ARPC1A: variants seen among roughly 807,000 people sequenced by gnomAD.
ARPC1A encodes actin-related protein 2/3 complex subunit 1A.
ARPC1A carries 8 observed loss-of-function variants against 46.9 expected under a neutral mutation model. The ratio of observed to expected loss-of-function variants is 0.17; its 90% CI spans 0.10 to 0.31. The LOEUF (loss-of-function observed/expected upper bound fraction) is 0.31. ARPC1A is among the 10% of genes least tolerant of loss of function. ARPC1A has a pLI of 1.00. For synonymous variants in ARPC1A, 152 were observed against 169.0 expected (o/e 0.90, Z 0.78); for missense variants, 286 against 483.6 (o/e 0.59, Z 3.83).
chr7:99,358,695 C>T (rs926294592), intron 7 of ARPC1A: 1 of 339,886 alleles, frequency 2.9e-6, no homozygotes. Flanking sequence ...CATGCGCCAC[C>T]ATACCTGGCT....
At chr7:99,330,307 T>TTTTG (rs571934680) in intron 1 of ARPC1A, among the ~76,000 whole-genome samples, 202 of 149,138 alleles carry the variant, frequency 1.4e-3, no homozygotes, top group African/African-American at 4.6e-3. Flanking sequence ...CCCCCCCCCT[T>TTTTG]TTTGTTTGTT....
chr7:99,349,732 C>T (rs891108486), intron 5 of ARPC1A, among the ~76,000 whole-genome samples: 29 of 152,080 alleles, frequency 1.9e-4, no homozygotes, highest in African/African-American at 6.7e-4. Context: ...CCCAGCTACT[C>T]GGGAGGCTGA....
chr7:99,347,520 C>T (rs1332624220), intron 4 of ARPC1A, among the ~76,000 whole-genome samples: 2 of 151,970 alleles, frequency 1.3e-5, no homozygotes, highest in East Asian at 3.9e-4. Flanking sequence ...GCCTGGCCAA[C>T]ATGGTGAAAG....
In ARPC1A at chr7:99,344,920, C is replaced by CTTTTTTTTTTTTTTTTTTTTTTT. The variant is rs1172071932; in HGVS notation, c.392+412_392+434dup. ...TAGGATTCCTACAGATAACAATGTT[C>CTTTTTTTTTTTTTTTTTTTTTTT]TTTTTTTTTTTTTTTTTTTTTTTTT... On this transcript the variant is annotated intron_variant, in intron 4 of 9. Transcript: ENST00000262942. 2.0e-4 allele frequency among the ~76,000 whole-genome samples: 4 copies of CTTTTTTTTTTTTTTTTTTTTTTT among 20,108 alleles called. 1 individual carries two copies. Among genetic ancestry groups the CTTTTTTTTTTTTTTTTTTTTTTT allele is most frequent in the African/African-American group, 8.7e-4 (4 of 4,574 alleles). The allele number at this position is 20,108 out of a possible 152,430, so 13.2% of individuals were successfully genotyped here.
At chr7:99,360,130 C>T (rs143421512) in intron 8 of ARPC1A, 7 of 209,228 alleles carry the variant, frequency 3.3e-5, no homozygotes, top group Admixed American at 1.0e-4. Context: ...TAACAGAAAG[C>T]GAAGTTACAG....
chr7:99,334,831 G>A (rs1260296897), intron 2 of ARPC1A, among the ~76,000 whole-genome samples: 2 of 151,550 alleles, frequency 1.3e-5, no homozygotes, highest in Admixed American at 6.6e-5. Context: ...ACATGCATGC[G>A]CCACCACACC....
At chr7:99,351,612 C>T (rs1365582467) in intron 5 of ARPC1A, among the ~76,000 whole-genome samples, 1 of 152,138 alleles carries the variant, frequency 6.6e-6, no homozygotes, top group South Asian at 2.1e-4. Flanking sequence ...CTAAAGCAGC[C>T]GCTGTCATGA....
chr7:99,349,075 CAG>C, intron 5 of ARPC1A, 116 bp downstream of exon 5: 2 of 1,034,684 alleles, frequency 1.9e-6, no homozygotes. Context: ...TGTTTTGAGA[CAG>C]GGTCTCACTC....
intron 8 of ARPC1A, among the ~76,000 whole-genome samples, chr7:99,362,152 A>T (rs1793752613): frequency 6.6e-6 from 1 of 151,620 alleles, no homozygotes; most frequent in African/African-American, 2.4e-5. Context: ...AAAATTCGCC[A>T]GCCTGGTGGC....
intron 5 of ARPC1A, 117 bp from the exon 6 acceptor site, chr7:99,353,792 T>G (rs1410363119): frequency 6.6e-6 from 7 of 1,053,716 alleles, no homozygotes; most frequent in Non-Finnish European, 9.5e-6. Context: ...GTTTTATTTT[T>G]TTTTAATGAG....
intron 5 of ARPC1A, among the ~76,000 whole-genome samples, chr7:99,349,696 C>T (rs916429111): frequency 3.2e-4 from 49 of 152,046 alleles, no homozygotes; most frequent in Non-Finnish European, 2.5e-4. Flanking sequence ...AAAAATTAGC[C>T]GGGCGTGGTG....
At chr7:99,338,342 T>G in intron 3 of ARPC1A, 57 bp downstream of exon 3, 1 of 1,364,938 alleles carries the variant, frequency 7.3e-7, no homozygotes, top group East Asian at 2.5e-5. Flanking sequence ...CACTCTTCCT[T>G]TTAGATAAAG....
intron 2 of ARPC1A, among the ~76,000 whole-genome samples, chr7:99,334,883 G>C (rs545360108): frequency 1.3e-5 from 2 of 150,886 alleles, no homozygotes; most frequent in Admixed American, 6.6e-5. Context: ...TCGCTCTGTC[G>C]CCCAGGCTGG....
At position 99,344,322 on chromosome 7, in the gene ARPC1A, A is replaced by C; in HGVS notation, c.199A>C (p.Ile67Leu). The change falls in exon 4 of 10, where the codon ATT becomes CTT. Residue 67 changes from isoleucine (I) to leucine (L), a missense_variant. Physicochemically the swap from Ile to Leu is conservative, Grantham distance 5. Coordinates refer to ENST00000262942, the MANE Select transcript of ARPC1A (RefSeq NM_006409.4). ...GIDWAPKSDR[I>L]VTCGADRNAY... ...TGACTGGGCTCCCAAGAGCGACCGCATTGTCACTTGTGGGGCAGACCGCAA... is the reference window on the plus strand; with the variant it reads ...TGACTGGGCTCCCAAGAGCGACCGCCTTGTCACTTGTGGGGCAGACCGCAA... The C allele has an allele frequency of 6.2e-7, 1 of 1,613,982 alleles. No homozygotes were observed. Among genetic ancestry groups the C allele is most frequent in the Non-Finnish European group, 8.5e-7 (1 of 1,179,866 alleles).
At chr7:99,338,378 ATTTTT>A (rs754747240) in intron 3 of ARPC1A, 93 bp downstream of exon 3, 343 of 242,650 alleles carry the variant, frequency 1.4e-3, no homozygotes, top group African/African-American at 2.0e-3. Flanking sequence ...GGTGGCCATA[ATTTTT>A]TTTTTTTTTT....
At chr7:99,342,999 G>A (rs554019221) in intron 3 of ARPC1A, among the ~76,000 whole-genome samples, 18 of 151,966 alleles carry the variant, frequency 1.2e-4, no homozygotes, top group East Asian at 5.8e-4. Flanking sequence ...CACCGCGCCC[G>A]GCCTAACTCT....
At chr7:99,340,626 G>A (rs145135157) in intron 3 of ARPC1A, among the ~76,000 whole-genome samples, 1 of 152,268 alleles carries the variant, frequency 6.6e-6, no homozygotes, top group African/African-American at 2.4e-5. Flanking sequence ...TGTAAAGATA[G>A]ATTTCACCAT....
intron 3 of ARPC1A, 45 bp downstream of exon 3, chr7:99,338,330 G>A: frequency 7.0e-7 from 1 of 1,428,326 alleles, no homozygotes; most frequent in Non-Finnish European, 9.6e-7. Flanking sequence ...TTCCAAATCA[G>A]GCACTCTTCC....
At chr7:99,352,717 C>A (rs1793564228) in intron 5 of ARPC1A, among the ~76,000 whole-genome samples, 2 of 151,720 alleles carry the variant, frequency 1.3e-5, no homozygotes, top group Non-Finnish European at 2.9e-5. Context: ...GTAATCCCAG[C>A]ACTTTGGGAG....
Sources: allele counts gnomAD v4.1 joint callset (sites outside exome capture counted in the v4.1 genomes callset), GRCh38; gene constraint gnomAD v4.1.1; transcripts MANE v1.5; gene names NCBI Gene and HGNC (gene_info 2026-07-23, HGNC 2026-07-21).